BCAS3: variants seen among roughly 807,000 people sequenced by gnomAD.
The protein encoded by BCAS3 is BCAS4/BCAS3 fusion.
A neutral mutation model predicts 116.1 loss-of-function variants in BCAS3; 53 were observed. The ratio of observed to expected loss-of-function variants is 0.46; its 90% CI spans 0.37 to 0.57. The LOEUF is 0.57. Ranked by LOEUF, BCAS3 falls within the 20% of genes least tolerant of loss-of-function variation. The pLI is 0.00. For synonymous variants in BCAS3, 391 were observed against 408.2 expected, an observed-to-expected ratio of 0.96 and a Z score of 0.51; for missense variants, 917 against 1,165.4, an observed-to-expected ratio of 0.79 and a Z score of 3.10.
intron 22 of BCAS3, among the ~76,000 whole-genome samples, chr17:61,089,114 G>A (rs1305201174): frequency 1.3e-5 from 2 of 152,120 alleles, no homozygotes; most frequent in African/African-American, 4.8e-5. Context: ...TACTACTTTT[G>A]TTGTACAATT....
intron 19 of BCAS3, among the ~76,000 whole-genome samples, chr17:61,074,344 A>C (rs945422366): frequency 2.6e-5 from 4 of 152,176 alleles, no homozygotes; most frequent in Non-Finnish European, 4.4e-5. Flanking sequence ...TCTGGTTCAT[A>C]TTAGGAACTC....
At chr17:60,852,876 T>G (rs2053300789) in intron 7 of BCAS3, among the ~76,000 whole-genome samples, 1 of 152,236 alleles carries the variant, frequency 6.6e-6, no homozygotes. Flanking sequence ...TACTTTCAAA[T>G]ACAATTTGGC....
chr17:61,138,980 A>T (rs1395322566), intron 22 of BCAS3, among the ~76,000 whole-genome samples: 1 of 152,204 alleles, frequency 6.6e-6, no homozygotes, highest in Non-Finnish European at 1.5e-5. Flanking sequence ...TGCTATCCTG[A>T]ATTAGCTGTA....
chr17:61,275,467 C>A (rs777620812), intron 22 of BCAS3, among the ~76,000 whole-genome samples: 2 of 151,868 alleles, frequency 1.3e-5, no homozygotes, highest in Non-Finnish European at 2.9e-5. Flanking sequence ...GGGAAGAAAG[C>A]TCAGTGTTTA....
intron 22 of BCAS3, among the ~76,000 whole-genome samples, chr17:61,103,094 C>G (rs577733045): frequency 6.6e-6 from 1 of 152,234 alleles, no homozygotes; most frequent in East Asian, 1.9e-4. Context: ...ATTCCAATAA[C>G]AGATTATATT....
chr17:61,087,359 AT>A lies in BCAS3; in HGVS notation c.2425+2799del. On this transcript the variant is annotated intron_variant, in intron 22 of 23. Transcript: ENST00000407086. This position sits in a 1 kb window ranked among gnomAD's most constrained non-coding sequence, Gnocchi z 4.6. The stretch of plus-strand genomic sequence containing the variant: ...TGGCACATGTTACACCTAACCCTCT[AT>A]TTTAGTGACAGCTCTTGCTCTGTCT... 3.3e-6 allele frequency: 1 copy of A among 298,662 alleles called. No homozygotes were observed. Among genetic ancestry groups the A allele is most frequent in the Non-Finnish European group, 4.9e-6 (1 of 202,138 alleles). 18.5% of individuals were successfully genotyped at this position (298,662 alleles called of 1,614,324 possible).
intron 14 of BCAS3, among the ~76,000 whole-genome samples, chr17:60,975,572 C>T (rs532660334): frequency 6.6e-6 from 1 of 152,254 alleles, no homozygotes; most frequent in Non-Finnish European, 1.5e-5. Flanking sequence ...TAAAGTTCAC[C>T]ATTTTATAAT....
chr17:60,840,578 ATG>A (rs1279880011), intron 7 of BCAS3, among the ~76,000 whole-genome samples: 1 of 152,148 alleles, frequency 6.6e-6, no homozygotes, highest in African/African-American at 2.4e-5. Flanking sequence ...TGACCTCTTC[ATG>A]TTTTGGCTCC....
intron 14 of BCAS3, among the ~76,000 whole-genome samples, chr17:60,979,959 T>C (rs1226682249): frequency 6.6e-6 from 1 of 151,944 alleles, no homozygotes; most frequent in Non-Finnish European, 1.5e-5. Context: ...AAAATTCTCT[T>C]TTTTGGTTGT....
At chr17:60,858,290 C>G (rs2053852053) in intron 7 of BCAS3, among the ~76,000 whole-genome samples, 1 of 152,018 alleles carries the variant, frequency 6.6e-6, no homozygotes. Context: ...TCTGTCACAC[C>G]AAAAGTTTCT....
chr17:60,694,848 T>C (rs971404267), intron 4 of BCAS3, among the ~76,000 whole-genome samples: 2 of 152,108 alleles, frequency 1.3e-5, no homozygotes, highest in African/African-American at 4.8e-5. Flanking sequence ...GAATTCTTCA[T>C]TGTGCAAAAC....
At chr17:61,147,360 T>C (rs906192353) in intron 22 of BCAS3, among the ~76,000 whole-genome samples, 2 of 151,738 alleles carry the variant, frequency 1.3e-5, no homozygotes, top group Admixed American at 1.3e-4. Context: ...ACAGGCATGA[T>C]CCACCGCACC....
Position 61,368,291 on chromosome 17 carries a change from G to C in BCAS3, c.2426-36G>C, listed in dbSNP as rs1372776727. 1 of 1,559,260 alleles carries C rather than the reference G, an allele frequency of 6.4e-7. No homozygotes were observed. Among genetic ancestry groups the C allele is most frequent in the Non-Finnish European group, 8.7e-7 (1 of 1,143,542 alleles). On this transcript the variant is annotated intron_variant, in intron 22 of 23. Coordinates refer to ENST00000407086, the MANE Select transcript of BCAS3 (RefSeq NM_017679.5). The surrounding 1 kb of genome is among the most constrained non-coding windows in gnomAD (Gnocchi z 6.0). ...CAAGAATGGCCTGCTCCCTGAAGGT[G>C]TGGACTCAACGTCAGATGTCCCGTG...
At chr17:60,747,145 C>G in intron 5 of BCAS3, 53 bp from the exon 6 acceptor site, 1 of 1,233,166 alleles carries the variant, frequency 8.1e-7, no homozygotes, top group Non-Finnish European at 1.2e-6. Flanking sequence ...TTATATAATA[C>G]TGTTGTGACC....
Position 61,163,195 on chromosome 17 carries a change from T to C in BCAS3, c.2425+78631T>C, listed in dbSNP as rs372791245. On this transcript the variant is annotated intron_variant, in intron 22 of 23. Transcript: ENST00000407086. ...ATCCCAGCACCTGGGGAGGCCGAGG[T>C]GGGCAGATCACGAGGTCAGGAGATC... is the stretch of plus-strand genomic sequence containing the variant. Among the ~76,000 whole-genome samples the C allele has an allele frequency of 8.3e-3, 1,263 of 152,038 alleles. 5 individuals are homozygous for C. Among genetic ancestry groups the C allele is most frequent in the Non-Finnish European group, 0.012 (836 of 67,944 alleles).
intron 22 of BCAS3, among the ~76,000 whole-genome samples, chr17:61,357,412 A>G (rs2058210039): frequency 6.7e-6 from 1 of 149,482 alleles, no homozygotes; most frequent in Admixed American, 6.6e-5. Flanking sequence ...CCTGGGCGAC[A>G]GAGTGAGATC....
At chr17:60,886,551 C>T (rs2056655730) in intron 9 of BCAS3, 1 of 151,630 alleles carries the variant, frequency 6.6e-6, no homozygotes, top group South Asian at 2.1e-4. Context: ...TTTTTCTGTT[C>T]TGTTTTTTCC....
At chr17:60,922,279 A>G (rs1183855800) in intron 12 of BCAS3, among the ~76,000 whole-genome samples, 1 of 152,110 alleles carries the variant, frequency 6.6e-6, no homozygotes. Flanking sequence ...GGCACGCGCC[A>G]CCATGTCCGG....
intron 19 of BCAS3, among the ~76,000 whole-genome samples, chr17:61,042,340 C>T (rs2067578661): frequency 6.6e-6 from 1 of 151,928 alleles, no homozygotes; most frequent in Non-Finnish European, 1.5e-5. Context: ...CATACTATAA[C>T]AAGTCTGAAA....
Sources: allele counts gnomAD v4.1 joint callset (sites outside exome capture counted in the v4.1 genomes callset), GRCh38; gene constraint gnomAD v4.1.1; non-coding constraint Gnocchi (gnomAD v3.1); transcripts MANE v1.5; gene names NCBI Gene and HGNC (gene_info 2026-07-23, HGNC 2026-07-21).